The following COQ6 variants were observed in gnomAD, a reference collection of about 807,000 sequenced individuals.
The protein encoded by COQ6 is ubiquinone biosynthesis monooxygenase COQ6, mitochondrial.
A neutral mutation model predicts 55.5 loss-of-function variants in COQ6; 45 were observed. The ratio of observed to expected loss-of-function variants is 0.81; its 90% CI spans 0.64 to 1.04. COQ6 has a LOEUF of 1.04. Among genes scored for constraint, COQ6 ranks in the 50% least tolerant of loss-of-function variants. The pLI is 0.00. For synonymous variants in COQ6, 206 were observed against 230.5 expected, an observed-to-expected ratio of 0.89 and a Z score of 0.96; for missense variants, 550 against 601.3, an observed-to-expected ratio of 0.91 and a Z score of 0.89.
chr14:73,956,174 A>T (rs2056426400), intron 4 of COQ6: 1 of 414,136 alleles, frequency 2.4e-6, no homozygotes, highest in Admixed American at 3.5e-5. Flanking sequence ...AATACAAAGA[A>T]ACAATTAGCC....
At chr14:73,960,580 C>T (rs2140413308) in intron 8 of COQ6, 9 of 1,031,798 alleles carry the variant, frequency 8.7e-6, no homozygotes, top group Non-Finnish European at 1.0e-5. Flanking sequence ...TCTAGGTCCT[C>T]TGCAGTGCAG....
At chr14:73,958,043 GAC>G in intron 4 of COQ6, 102 bp from the exon 5 acceptor site, 4 of 886,520 alleles carry the variant, frequency 4.5e-6, no homozygotes, top group Non-Finnish European at 7.7e-6. Flanking sequence ...TAAATGACAA[GAC>G]ACTGCTGTCC....
At chr14:73,952,699 C>T (rs1031213803) in intron 1 of COQ6, among the ~76,000 whole-genome samples, 1 of 152,000 alleles carries the variant, frequency 6.6e-6, no homozygotes, top group Non-Finnish European at 1.5e-5. Context: ...AACTCTAATT[C>T]TTTCTTTTTG....
At chr14:73,950,154 C>T (rs73301413), upstream of COQ6, 355 of 1,588,802 alleles carry the variant, frequency 2.2e-4, no homozygotes, top group African/African-American at 3.9e-3. Context: ...AGGGCAGCCT[C>T]CGATCCATCC....
At chr14:73,956,581 T>C (rs145251746) in intron 4 of COQ6, 1,976 of 152,640 alleles carry the variant, frequency 0.013, 21 homozygotes, top group South Asian at 0.03. Flanking sequence ...TATCTCATTG[T>C]AGTAGTGGTT....
chr14:73,961,819 A>G lies in COQ6; in HGVS notation c.1293A>G (p.Lys431=), dbSNP rs1460839473. Residue 431 remains lysine (K), a synonymous_variant, in exon 11 of 12, where the codon AAA becomes AAG. Transcript: ENST00000334571. ...TALLAATDLL[K]RLYSTSASPL... ...TTCTGGCTGCTACAGACTTACTAAA[A>G]AGGCTCTATTCTACCAGTGCCTCCC... 1 of 1,614,024 alleles carries G rather than the reference A, an allele frequency of 6.2e-7. No homozygotes were observed. The highest frequency in any genetic ancestry group is 8.5e-7 in the Non-Finnish European group (1 of 1,180,028).
In COQ6 at chr14:73,958,150, G is replaced by T. The variant is rs1473329291; in HGVS notation, c.485G>T (p.Arg162Leu). ...TCCTCTCTTTTGACCTCCCCAGACC[G>T]AGTGACGGTTCTCTACAGGAGCAAA... The part of the protein sequence containing the change: ...LTKQLEAVSD[R>L]VTVLYRSKAI... Residue 162 changes from arginine to leucine, a missense_variant, in exon 5 of 12, where the codon CGA becomes CTA. Transcript: ENST00000334571. The T allele has an allele frequency of 1.2e-6, 2 of 1,613,752 alleles. No individual in the cohort carries two copies. The highest frequency in any genetic ancestry group is 1.3e-5 in the African/African-American group (1 of 74,952).
At chr14:73,960,043 G>A in intron 8 of COQ6, 1 of 1,005,190 alleles carries the variant, frequency 9.9e-7, no homozygotes, top group Non-Finnish European at 1.2e-6. Flanking sequence ...TAGGCTGACT[G>A]AAACAGCTGC....
intron 4 of COQ6, among the ~76,000 whole-genome samples, chr14:73,957,801 A>G (rs1443508058): frequency 3.3e-5 from 5 of 152,186 alleles, no homozygotes; most frequent in Non-Finnish European, 1.5e-5. Context: ...TTTGTAGTCT[A>G]GGATTTGTTT....
In COQ6 at chr14:73,959,438, G is replaced by T. The variant is rs776645740; in HGVS notation, c.807G>T (p.Leu269Phe). The change falls in exon 8 of 12, where the codon TTG becomes TTT. Residue 269 changes from leucine (L) to phenylalanine (F), a missense_variant. Physicochemically the swap from Leu to Phe is conservative, Grantham distance 22 (BLOSUM62 0). Transcript: ENST00000334571. Reference sequence around the variant, plus strand: ...AGCTCTCAGACACCTTGAGTTCCTTGGTTTGGTCCACGTCCCATGAACATG... The same window carrying T: ...AGCTCTCAGACACCTTGAGTTCCTTTGTTTGGTCCACGTCCCATGAACATG... ...LLPLSDTLSS[L>F]VWSTSHEHAA... 1 of 1,614,180 alleles carries T rather than the reference G, an allele frequency of 6.2e-7. No individual in the cohort carries two copies. Among genetic ancestry groups the T allele is most frequent in the Non-Finnish European group, 8.5e-7 (1 of 1,180,030 alleles).
At chr14:73,961,078 C>G (rs1415335550) in intron 8 of COQ6, 95 bp from the exon 9 acceptor site, 3 of 1,432,198 alleles carry the variant, frequency 2.1e-6, no homozygotes, top group African/African-American at 2.8e-5. Context: ...TAGCATTAGC[C>G]TAAGCTTTGG....
rs753591906 is a variant in COQ6 at position 73,961,401 on chromosome 14, C to T, written c.1094+26C>T. ...GTAAGACGATAACAGAGCAGGGCCACTCCCTTCTCACTTTGCTGCCAGAGG... is the reference window on the plus strand; with the variant it reads ...GTAAGACGATAACAGAGCAGGGCCATTCCCTTCTCACTTTGCTGCCAGAGG... On this transcript the variant is annotated intron_variant, in intron 9 of 11. Coordinates refer to ENST00000334571, the MANE Select transcript of COQ6 (RefSeq NM_182476.3). 1.2e-5 allele frequency: 19 copies of T among 1,613,882 alleles called. No homozygotes were observed. In the South Asian group the frequency reaches 1.5e-4, roughly 13 times the overall value.
chr14:73,959,315 G>T lies in COQ6; in HGVS notation c.783+91G>T. 4 of 1,614,078 alleles carry T rather than the reference G, an allele frequency of 2.5e-6. No individual in the cohort carries two copies. In the South Asian group the frequency reaches 4.4e-5, roughly 18 times the overall value. On this transcript the variant is annotated intron_variant, in intron 7 of 11. Coordinates refer to ENST00000334571, the MANE Select transcript of COQ6 (RefSeq NM_182476.3). The stretch of plus-strand genomic sequence containing the variant: ...CCTTTTTCTGGTTTCAAGGGAATCT[G>T]CCCAGGCTGTTTGTAAGTTCCCTTT...
chr14:73,950,102 C>G, upstream of COQ6: 2 of 1,603,510 alleles, frequency 1.2e-6, no homozygotes, highest in Non-Finnish European at 8.5e-7. Context: ...TATGCGGGGC[C>G]AGGGTCCACC....
At chr14:73,949,939 C>T, upstream of COQ6, 1 of 1,611,464 alleles carries the variant, frequency 6.2e-7, no homozygotes, top group Non-Finnish European at 8.5e-7. Flanking sequence ...CTCCGGGATT[C>T]CTTTCCCGGG....
intron 10 of COQ6, 32 bp downstream of exon 10, chr14:73,961,602 A>G (rs2056737920): frequency 6.8e-6 from 11 of 1,611,014 alleles, no homozygotes; most frequent in Non-Finnish European, 9.3e-6. Context: ...GGAAGTATCC[A>G]GAGGTCATAT....
intron 5 of COQ6, chr14:73,958,519 G>A: frequency 7.4e-7 from 1 of 1,344,350 alleles, no homozygotes; most frequent in South Asian, 1.5e-5. Flanking sequence ...TCACAGGACA[G>A]GCACCAGAGT....
Position 73,955,200 on chromosome 14 carries a change from G to C in COQ6, c.299-251G>C. On this transcript the variant is annotated intron_variant, in intron 2 of 11. Transcript: ENST00000334571. ...TATCTCCTGATCTCGTGATCCGCCCGCCTCAGTCTCCCAAAGTGCTGGGAT... is the reference window on the plus strand; with the variant it reads ...TATCTCCTGATCTCGTGATCCGCCCCCCTCAGTCTCCCAAAGTGCTGGGAT... 5 of 529,734 alleles carry C rather than the reference G, an allele frequency of 9.4e-6. No individual in the cohort carries two copies. The South Asian group carries it at 1.0e-4, about 11-fold the overall frequency. The allele number at this position is 529,734 out of a possible 1,614,324, so 32.8% of individuals were successfully genotyped here.
In COQ6 at chr14:73,950,336, G is replaced by T; in HGVS notation, c.4G>T (p.Ala2Ser). 1 of 1,550,610 alleles carries T rather than the reference G, an allele frequency of 6.4e-7. No individual in the cohort carries two copies. ...TGCGACGGCGCAGGTCTGCACCATG[G>T]CGGCCCGGCTTGTCAGCCGATGCGG... M[A>S]ARLVSRCGAV... is the part of the protein sequence containing the mutation. Residue 2 changes from alanine to serine, a missense_variant, in exon 1 of 12, where the codon GCG becomes TCG. By Grantham distance (99) the Ala-to-Ser change is moderately conservative. Coordinates refer to ENST00000334571, the MANE Select transcript of COQ6 (RefSeq NM_182476.3).
Sources: gnomAD v4.1 joint callset for allele counts (sites outside exome capture counted in the v4.1 genomes callset) on GRCh38, gnomAD v4.1.1 for gene constraint, MANE v1.5 for transcripts, NCBI Gene and HGNC (gene_info 2026-07-23, HGNC 2026-07-21) for gene names.